The following PLPP1 variants were observed in gnomAD, a reference collection of about 807,000 sequenced individuals.
PLPP1 encodes the protein lipid phosphate phosphohydrolase 1a.
Under a neutral mutation model 31.2 loss-of-function variants are expected in PLPP1, and 24 were observed. That is an observed-to-expected ratio of 0.77 (90% CI 0.56 to 1.08). The LOEUF (loss-of-function observed/expected upper bound fraction) is 1.08. PLPP1 is among the 50% of genes least tolerant of loss of function. PLPP1 has a pLI of 0.00. For missense variants in PLPP1, 319 were observed against 342.7 expected (o/e 0.93, Z 0.55); for synonymous variants, 146 against 126.3 (o/e 1.16, Z -1.05).
intron 1 of PLPP1, among the ~76,000 whole-genome samples, chr5:55,503,405 T>C (rs1753187550): frequency 6.6e-6 from 1 of 152,168 alleles, no homozygotes; most frequent in Non-Finnish European, 1.5e-5. Context: ...TGGGAAGTAG[T>C]CATTACTATC....
intron 1 of PLPP1, among the ~76,000 whole-genome samples, chr5:55,525,085 A>G (rs1209614926): frequency 6.6e-6 from 1 of 152,200 alleles, no homozygotes; most frequent in Non-Finnish European, 1.5e-5. Context: ...CTAATAAAAC[A>G]CTAAGTTTCA....
chr5:55,476,380 C>T (rs75486563), intron 1 of PLPP1, among the ~76,000 whole-genome samples: 32 of 152,056 alleles, frequency 2.1e-4, no homozygotes, highest in South Asian at 8.3e-4. Context: ...TAACAGAGAG[C>T]GCTGTTTTTA....
chr5:55,497,396 C>G (rs2111870385), intron 1 of PLPP1, among the ~76,000 whole-genome samples: 1 of 151,456 alleles, frequency 6.6e-6, no homozygotes, highest in Admixed American at 6.6e-5. Flanking sequence ...CAGGCCTGTG[C>G]TACCATTCCT....
intron 1 of PLPP1, among the ~76,000 whole-genome samples, chr5:55,509,957 G>A (rs189853957): frequency 7.2e-5 from 11 of 152,254 alleles, no homozygotes; most frequent in South Asian, 2.1e-4. Flanking sequence ...AACCGGCCAC[G>A]TGATTTTTAT....
At position 55,431,803 on chromosome 5, in the gene PLPP1, CA is replaced by C. The variant is rs543993738; in HGVS notation, c.550-5765del. ...AACTCTTAAAAGTACAAAGGATCAACAAAAAAAGTTGCTTTTATGAAAGGAT... is the reference window on the plus strand; with the variant it reads ...AACTCTTAAAAGTACAAAGGATCAACAAAAAAGTTGCTTTTATGAAAGGAT... On this transcript the variant is annotated intron_variant, in intron 4 of 5. Coordinates refer to ENST00000307259, the MANE Select transcript of PLPP1 (RefSeq NM_003711.4). 2.2e-4 allele frequency among the ~76,000 whole-genome samples: 34 copies of C among 151,936 alleles called. 1 individual carries two copies. In the South Asian group the frequency reaches 5.4e-3, roughly 24 times the overall value.
intron 3 of PLPP1, among the ~76,000 whole-genome samples, chr5:55,456,326 G>C (rs1029649351): frequency 6.6e-6 from 1 of 152,252 alleles, no homozygotes; most frequent in Admixed American, 6.5e-5. Context: ...GGGGAGAAAA[G>C]AGAGTCAATG....
At chr5:55,450,423 CA>C (rs1226470823) in intron 3 of PLPP1, among the ~76,000 whole-genome samples, 1 of 151,504 alleles carries the variant, frequency 6.6e-6, no homozygotes, top group African/African-American at 2.4e-5. Context: ...AAGAATCTTG[CA>C]AAAAAACGAA....
chr5:55,441,225 C>T (rs1015550784), intron 4 of PLPP1, among the ~76,000 whole-genome samples: 2 of 152,142 alleles, frequency 1.3e-5, no homozygotes, highest in African/African-American at 2.4e-5. Context: ...TGCAAATCTT[C>T]GTAAGGCCTC....
intron 3 of PLPP1, among the ~76,000 whole-genome samples, chr5:55,443,210 T>TAC (rs1418898370): frequency 6.8e-4 from 79 of 116,544 alleles, no homozygotes; most frequent in South Asian, 4.9e-3. Context: ...TATATATATA[T>TAC]ATACACACAC....
At chr5:55,459,069 G>A (rs1032124098) in intron 3 of PLPP1, among the ~76,000 whole-genome samples, 8 of 151,300 alleles carry the variant, frequency 5.3e-5, no homozygotes, top group Non-Finnish European at 1.0e-4. Flanking sequence ...TCAGAGATTC[G>A]AATAAGCTAA....
chr5:55,525,981 C>A (rs1740417966), intron 1 of PLPP1, among the ~76,000 whole-genome samples: 1 of 151,434 alleles, frequency 6.6e-6, no homozygotes, highest in Admixed American at 6.6e-5. Flanking sequence ...AGGAAGTAGA[C>A]AACATTCCAA....
At chr5:55,430,183 GCCACTGCCCGCA>G (rs926536515) in intron 4 of PLPP1, among the ~76,000 whole-genome samples, 11 of 152,150 alleles carry the variant, frequency 7.2e-5, no homozygotes, top group Non-Finnish European at 1.3e-4. Context: ...GGGTTGTCCT[GCCACTGCCCGCA>G]CCACACCTGC....
intron 1 of PLPP1, among the ~76,000 whole-genome samples, chr5:55,478,590 T>A (rs1044703939): frequency 2.0e-5 from 3 of 151,880 alleles, no homozygotes; most frequent in African/African-American, 4.8e-5. Context: ...CTGTACAGGA[T>A]GTATACAGAG....
chr5:55,532,316 C>T (rs1740698217), intron 1 of PLPP1, among the ~76,000 whole-genome samples: 1 of 151,972 alleles, frequency 6.6e-6, no homozygotes, highest in Non-Finnish European at 1.5e-5. Context: ...TTCAGCCATT[C>T]TAATCACTGT....
intron 1 of PLPP1, among the ~76,000 whole-genome samples, chr5:55,518,292 T>C (rs76305701): frequency 0.01 from 1,575 of 152,240 alleles, 40 homozygotes; most frequent in African/African-American, 0.036. Flanking sequence ...TTCTGATTCA[T>C]TAAATCAGGT....
chr5:55,471,153 T>C (rs986733031), intron 2 of PLPP1, among the ~76,000 whole-genome samples: 4 of 152,190 alleles, frequency 2.6e-5, no homozygotes, highest in African/African-American at 2.4e-5. Context: ...CCATTTCCTT[T>C]ATTCTACTGA....
chr5:55,438,849 C>T (rs913581019), intron 4 of PLPP1, among the ~76,000 whole-genome samples: 6 of 151,262 alleles, frequency 4.0e-5, no homozygotes, highest in Non-Finnish European at 7.4e-5. Flanking sequence ...TGCAGTGAGC[C>T]GAGATCGCGC....
intron 3 of PLPP1, among the ~76,000 whole-genome samples, chr5:55,444,947 G>A (rs1460216811): frequency 2.6e-5 from 4 of 151,920 alleles, no homozygotes; most frequent in South Asian, 2.1e-4. Flanking sequence ...ATGGGGTTTC[G>A]CCCTGTTGGC....
Position 55,506,169 on chromosome 5 carries a change from C to A in PLPP1, c.58+28403G>T, listed in dbSNP as rs1021206897. 2.0e-5 allele frequency among the ~76,000 whole-genome samples: 3 copies of A among 149,950 alleles called. No homozygotes were observed. In the East Asian group the frequency reaches 5.9e-4, roughly 29 times the overall value. ...GAAAAATAAAGGAAAAGACTATCAA[C>A]AAAACCAAATGCCTTTTTTTAAACA... On this transcript the variant is annotated intron_variant, in intron 1 of 5. Transcript: ENST00000307259.
Sources: allele counts gnomAD v4.1 joint callset (sites outside exome capture counted in the v4.1 genomes callset), GRCh38; gene constraint gnomAD v4.1.1; transcripts MANE v1.5; gene names NCBI Gene and HGNC (gene_info 2026-07-23, HGNC 2026-07-21).